Variants in CALU observed in about 807,000 individuals in gnomAD.
CALU encodes calumenin.
Under a neutral mutation model 37.5 loss-of-function variants are expected in CALU, and 13 were observed. The observed-to-expected ratio is 0.35, with a 90% CI of 0.23 to 0.55. The LOEUF is 0.55. Ranked by LOEUF, CALU falls within the 20% of genes least tolerant of loss-of-function variation. The pLI, the probability that CALU is intolerant of heterozygous loss-of-function variation, is 0.89. For synonymous variants in CALU, 114 were observed against 133.8 expected (o/e 0.85, Z 1.02); for missense variants, 282 against 391.7 (o/e 0.72, Z 2.36).
intron 3 of CALU, 150 bp downstream of exon 3, chr7:128,754,605 G>T (rs371458036): frequency 1.7e-5 from 26 of 1,551,438 alleles, no homozygotes; most frequent in African/African-American, 2.7e-5. Context: ...GATTAAGCAC[G>T]CCCAGAAGAA....
At chr7:128,760,502 A>C (rs1010047327) in intron 5 of CALU, among the ~76,000 whole-genome samples, 4 of 147,606 alleles carry the variant, frequency 2.7e-5, no homozygotes, top group South Asian at 4.3e-4. Flanking sequence ...GTTTTTTTTT[A>C]ATACTTAAAG....
chr7:128,759,028 A>G lies in CALU; in HGVS notation c.573A>G (p.Ile191Met). The change falls in exon 4 of 7, where the codon ATA (isoleucine) becomes ATG (methionine). Residue 191 changes from isoleucine (I) to methionine (M), a missense_variant. Transcript: ENST00000249364. ...AGGAGTATGACTACATGAAAGATATAGTAGTACAGGTGGGTGAGATGAAGG... is the reference window on the plus strand; with the variant it reads ...AGGAGTATGACTACATGAAAGATATGGTAGTACAGGTGGGTGAGATGAAGG... The part of the protein sequence containing the change: ...HPEEYDYMKD[I>M]VVQETMEDID... 1 of 1,612,546 alleles carries G rather than the reference A, an allele frequency of 6.2e-7. No individual in the cohort carries two copies. The highest frequency in any genetic ancestry group is 8.5e-7 in the Non-Finnish European group (1 of 1,179,314).
chr7:128,754,644 T>C (rs1195964697), intron 3 of CALU, 189 bp downstream of exon 3: 1 of 1,552,230 alleles, frequency 6.4e-7, no homozygotes, highest in Admixed American at 2.0e-5. Flanking sequence ...TGAAAACCAA[T>C]GGCAGGAGTT....
chr7:128,744,398 A>G (rs866201674), intron 1 of CALU, among the ~76,000 whole-genome samples: 21 of 151,898 alleles, frequency 1.4e-4, no homozygotes, highest in Non-Finnish European at 2.9e-4. Context: ...TTTGGTATGG[A>G]TGGTGTTTTT....
chr7:128,769,026 A>G (rs373271153), intron 6 of CALU, 37 bp from the exon 7 acceptor site: 11 of 1,094,624 alleles, frequency 1.0e-5, no homozygotes, highest in Non-Finnish European at 1.3e-5. Flanking sequence ...AATGGGAAAT[A>G]TGTTCTTCTT....
chr7:128,767,185 TCTC>T (rs1801369626), intron 5 of CALU, among the ~76,000 whole-genome samples: 1 of 152,222 alleles, frequency 6.6e-6, no homozygotes, highest in African/African-American at 2.4e-5. Context: ...ATGGTAGCTC[TCTC>T]CTCTTATTTC....
chr7:128,746,173 C>CT (rs1185709805), intron 1 of CALU, among the ~76,000 whole-genome samples: 5 of 145,476 alleles, frequency 3.4e-5, no homozygotes, highest in South Asian at 2.2e-4. Flanking sequence ...TTTTTACATT[C>CT]TTTTTTTTGA....
intron 1 of CALU, among the ~76,000 whole-genome samples, chr7:128,745,675 T>C (rs1800403887): frequency 6.6e-6 from 1 of 152,238 alleles, no homozygotes; most frequent in South Asian, 2.1e-4. Flanking sequence ...CTCACTTTAA[T>C]GTTGTATTTA....
rs527529312 is a variant in CALU at position 128,760,429 on chromosome 7, CA to C, written c.643+578del. Among the ~76,000 whole-genome samples, 206 of 152,212 alleles carry C rather than the reference CA, an allele frequency of 1.4e-3. 5 individuals carry two copies. The South Asian group carries it at 0.041, about 30-fold the overall frequency. Reference sequence around the variant, plus strand: ...AAGTAAAAAGAAACAGATGAAATTTCAGTAGTTATTTAACCTAATATTCTAA... The same window carrying C: ...AAGTAAAAAGAAACAGATGAAATTTCGTAGTTATTTAACCTAATATTCTAA... On this transcript the variant is annotated intron_variant, in intron 5 of 6. Transcript: ENST00000249364.
intron 5 of CALU, among the ~76,000 whole-genome samples, chr7:128,762,308 T>C (rs1801148907): frequency 6.6e-6 from 1 of 151,978 alleles, no homozygotes; most frequent in Non-Finnish European, 1.5e-5. Context: ...GTGTATCATA[T>C]AGATTCAAGG....
At chr7:128,745,039 C>G (rs1287041786) in intron 1 of CALU, among the ~76,000 whole-genome samples, 1 of 152,082 alleles carries the variant, frequency 6.6e-6, no homozygotes, top group African/African-American at 2.4e-5. Flanking sequence ...TTTCCAGGAC[C>G]AGATTATGTT....
At chr7:128,760,436 T>TA (rs1351306595) in intron 5 of CALU, among the ~76,000 whole-genome samples, 1 of 152,192 alleles carries the variant, frequency 6.6e-6, no homozygotes, top group Non-Finnish European at 1.5e-5. Context: ...TTTCAGTAGT[T>TA]ATTTAACCTA....
At chr7:128,741,771 A>C (rs745445095) in intron 1 of CALU, among the ~76,000 whole-genome samples, 1 of 152,236 alleles carries the variant, frequency 6.6e-6, no homozygotes, top group Non-Finnish European at 1.5e-5. Flanking sequence ...CCTACATTTC[A>C]AATAGCATTT....
chr7:128,743,647 C>T (rs947092338), intron 1 of CALU, among the ~76,000 whole-genome samples: 1 of 151,904 alleles, frequency 6.6e-6, no homozygotes, highest in Admixed American at 6.6e-5. Context: ...TTCAGCTTCC[C>T]CGGTAGCTGG....
rs770954063 is a variant in CALU at position 128,754,295 on chromosome 7, C to T, written c.255C>T (p.Asp85=). The change falls in exon 3 of 7, where the codon GAC becomes GAT. Residue 85 remains aspartate, a synonymous_variant. Coordinates refer to ENST00000249364, the MANE Select transcript of CALU (RefSeq NM_001219.5). ...KIVSKIDGDK[D]GFVTVDELKD... is the part of the protein sequence containing the mutation. ...TAAGTAAAATAGATGGCGACAAGGACGGGTTTGTCACTGTGGATGAGCTCA... is the reference window on the plus strand; with the variant it reads ...TAAGTAAAATAGATGGCGACAAGGATGGGTTTGTCACTGTGGATGAGCTCA... The T allele has an allele frequency of 8.8e-5, 141 of 1,610,092 alleles. No individual in the cohort carries two copies. Among genetic ancestry groups the T allele is most frequent in the Non-Finnish European group, 1.1e-4 (131 of 1,178,982 alleles).
intron 1 of CALU, among the ~76,000 whole-genome samples, chr7:128,746,128 T>G (rs1800424559): frequency 6.6e-6 from 1 of 152,222 alleles, no homozygotes; most frequent in South Asian, 2.1e-4. Context: ...AATTTTCCAT[T>G]TCACTGCAGA....
chr7:128,750,465 G>A (rs1311362099), intron 2 of CALU, among the ~76,000 whole-genome samples: 1 of 152,132 alleles, frequency 6.6e-6, no homozygotes, highest in Non-Finnish European at 1.5e-5. Flanking sequence ...TCAGTTGAAA[G>A]TATTCCTTTT....
At chr7:128,758,153 G>A (rs1800964765) in intron 3 of CALU, among the ~76,000 whole-genome samples, 1 of 151,810 alleles carries the variant, frequency 6.6e-6, no homozygotes, top group Non-Finnish European at 1.5e-5. Context: ...CTCTAAGTTA[G>A]TTTGCATTTT....
intron 2 of CALU, among the ~76,000 whole-genome samples, chr7:128,750,918 T>C (rs925469547): frequency 5.9e-5 from 9 of 152,368 alleles, no homozygotes; most frequent in South Asian, 2.1e-4. Flanking sequence ...TTTTTTCTTA[T>C]TAAGAATGTT....
Sources: allele counts gnomAD v4.1 joint callset (sites outside exome capture counted in the v4.1 genomes callset), GRCh38; gene constraint gnomAD v4.1.1; transcripts MANE v1.5; gene names NCBI Gene and HGNC (gene_info 2026-07-23, HGNC 2026-07-21).